IL1RL1: variants seen among roughly 807,000 people sequenced by gnomAD.
IL1RL1 encodes the protein interleukin-1 receptor-like 1.
A neutral mutation model predicts 50.9 loss-of-function variants in IL1RL1; 32 were observed. The observed-to-expected ratio is 0.63, with a 90% CI of 0.47 to 0.84. IL1RL1 has a LOEUF of 0.84. Ranked by LOEUF, IL1RL1 falls within the 40% of genes least tolerant of loss-of-function variation. IL1RL1 has a pLI of 0.00. For missense variants in IL1RL1, 773 were observed against 662.9 expected (o/e 1.17, Z -1.82); for synonymous variants, 275 against 236.0 (o/e 1.17, Z -1.51).
chr2:102,319,610 A>T (rs993746665), intron 1 of IL1RL1, among the ~76,000 whole-genome samples: 1 of 152,210 alleles, frequency 6.6e-6, no homozygotes, highest in Non-Finnish European at 1.5e-5. Context: ...GCCTATAGTG[A>T]TCCAGCAGGC....
intron 5 of IL1RL1, chr2:102,341,470 T>C (rs1389114304): frequency 2.2e-6 from 1 of 451,116 alleles, no homozygotes; most frequent in East Asian, 1.2e-4. Flanking sequence ...AGGATTGGGG[T>C]CTCCTTAGCA....
At position 102,340,702 on chromosome 2, in the gene IL1RL1, C is replaced by T. The variant is rs1677521145; in HGVS notation, c.484C>T (p.His162Tyr). The T allele has an allele frequency of 1.3e-6, 2 of 1,599,414 alleles. No individual in the cohort carries two copies. The highest frequency in any genetic ancestry group is 2.3e-5 in the South Asian group (2 of 88,434). ...QALQGSRYRA[H>Y]KSFLVIDNVM... ...TCTTCAAGGATCAAGGTACAGGGCG[C>T]ACAAGTCATTTTTGGTCATTGATAA... The change falls in exon 5 of 11, where the codon CAC becomes TAC. Residue 162 changes from histidine to tyrosine, a missense_variant. Coordinates refer to ENST00000233954, the MANE Select transcript of IL1RL1 (RefSeq NM_016232.5).
intron 1 of IL1RL1, among the ~76,000 whole-genome samples, chr2:102,332,371 T>C (rs1677200266): frequency 6.6e-6 from 1 of 152,190 alleles, no homozygotes; most frequent in Non-Finnish European, 1.5e-5. Flanking sequence ...ATAGCAGCAT[T>C]ATTCAAAATA....
rs1184191771 is a variant in IL1RL1, at chr2:102,351,592, C to T, written c.1342C>T (p.Leu448=). 6.2e-7 allele frequency: 1 copy of T among 1,613,992 alleles called. No homozygotes were observed. Among genetic ancestry groups the T allele is most frequent in the Non-Finnish European group, 8.5e-7 (1 of 1,179,984 alleles). ...AAAGAGCAGGCGGCACATTTTCATC[C>T]TGACCCCTCAGATCACTCACAATAA... ...IRKSRRHIFI[L]TPQITHNKEF... is the part of the protein sequence containing the mutation. Residue 448 remains leucine (L), a synonymous_variant, in exon 11 of 11, where the codon CTG becomes TTG. Transcript: ENST00000233954.
intron 1 of IL1RL1, among the ~76,000 whole-genome samples, chr2:102,334,594 A>G (rs1267893375): frequency 1.2e-4 from 11 of 93,858 alleles, no homozygotes; most frequent in African/African-American, 2.3e-4. Flanking sequence ...AAATGAGGGG[A>G]AAAAAAACAT....
intron 1 of IL1RL1, among the ~76,000 whole-genome samples, chr2:102,330,187 G>C (rs1464036718): frequency 6.6e-6 from 1 of 152,186 alleles, no homozygotes; most frequent in South Asian, 2.1e-4. Flanking sequence ...CATGTCCTTT[G>C]TAGGGACATG....
chr2:102,345,992 T>A lies in IL1RL1; in HGVS notation c.971-1953T>A. On this transcript the variant is annotated intron_variant, in intron 8 of 10. Coordinates refer to ENST00000233954, the MANE Select transcript of IL1RL1 (RefSeq NM_016232.5). ...TCTTCGTGTTACAGGTGTTTAATGA[T>A]TTTGCTCCTTCTAGCTTATTTGTAT... The A allele has an allele frequency of 4.1e-6, 4 of 985,252 alleles. No individual in the cohort carries two copies. In the South Asian group the frequency reaches 1.4e-4, roughly 35 times the overall value. 61.0% of individuals were successfully genotyped at this position (985,252 alleles called of 1,614,324 possible). A position where few individuals can be genotyped will look rare whatever the true frequency, so the allele number is the denominator to read the frequency against.
chr2:102,332,137 G>T (rs1382717274), intron 1 of IL1RL1, among the ~76,000 whole-genome samples: 2 of 152,146 alleles, frequency 1.3e-5, no homozygotes, highest in African/African-American at 4.8e-5. Flanking sequence ...CCAGGCACAT[G>T]AGCTATATCA....
At chr2:102,337,265 A>G (rs1677359406) in intron 1 of IL1RL1, 1 of 152,220 alleles carries the variant, frequency 6.6e-6, no homozygotes, top group South Asian at 2.1e-4. Context: ...ATGAGGAGGG[A>G]CCTACAAAGA....
At chr2:102,338,372 A>G in intron 2 of IL1RL1, 47 bp downstream of exon 2, 1 of 1,122,542 alleles carries the variant, frequency 8.9e-7, no homozygotes, top group Non-Finnish European at 1.3e-6. Flanking sequence ...TAAATTAAAT[A>G]ATTTCAAGAA....
chr2:102,343,595 G>C, intron 8 of IL1RL1, 180 bp downstream of exon 8: 1 of 1,475,500 alleles, frequency 6.8e-7, no homozygotes, highest in Non-Finnish European at 8.9e-7. Flanking sequence ...TGTTTGCTGG[G>C]AGCTTCTCTG....
At chr2:102,323,270 TATA>T (rs1290127700) in intron 1 of IL1RL1, among the ~76,000 whole-genome samples, 29 of 38,048 alleles carry the variant, frequency 7.6e-4, no homozygotes, top group African/African-American at 2.3e-3. Flanking sequence ...TATATATATA[TATA>T]GTGTGTGTGT....
downstream of IL1RL1, chr2:102,352,073 C>A: frequency 2.6e-6 from 2 of 776,912 alleles, no homozygotes; most frequent in Non-Finnish European, 4.0e-6. Flanking sequence ...CATTTCCCTG[C>A]TTCTGGGTGG....
intron 1 of IL1RL1, among the ~76,000 whole-genome samples, chr2:102,323,492 G>A (rs1444557001): frequency 6.6e-6 from 1 of 151,958 alleles, no homozygotes; most frequent in East Asian, 1.9e-4. Flanking sequence ...TCAAGACTGG[G>A]CAACTGCATC....
At chr2:102,324,010 G>GTTTT (rs1553661863) in intron 1 of IL1RL1, among the ~76,000 whole-genome samples, 11 of 97,628 alleles carry the variant, frequency 1.1e-4, no homozygotes, top group East Asian at 3.5e-4. Context: ...TTCATCAGTA[G>GTTTT]TTCTTTTTTT....
intron 10 of IL1RL1, 77 bp downstream of exon 10, chr2:102,349,323 A>C (rs1194043812): frequency 2.6e-6 from 3 of 1,159,868 alleles, no homozygotes; most frequent in Middle Eastern, 2.0e-4. Context: ...TTATCCCTGC[A>C]TTGGATAATG....
rs1462814648 is a variant in IL1RL1, at chr2:102,332,548, AGT to A, written c.-149-5567_-149-5566del. ...AAGATTATGCTAAGTGAAATAAGGC[AGT>A]CACAAAGGGCACTTATTGTGTGACT... is the stretch of plus-strand genomic sequence containing the variant. On this transcript the variant is annotated intron_variant, in intron 1 of 10. Coordinates refer to ENST00000233954, the MANE Select transcript of IL1RL1 (RefSeq NM_016232.5). 3.9e-5 allele frequency among the ~76,000 whole-genome samples: 6 copies of A among 152,242 alleles called. No homozygotes were observed. In the East Asian group the frequency reaches 1.2e-3, roughly 29 times the overall value.
At chr2:102,348,628 G>T (rs1677844380) in intron 9 of IL1RL1, among the ~76,000 whole-genome samples, 1 of 152,190 alleles carries the variant, frequency 6.6e-6, no homozygotes, top group Admixed American at 6.5e-5. Context: ...TTTTCAAACA[G>T]TTGACTGAAG....
In IL1RL1 at chr2:102,343,165, G is replaced by T. The variant is rs1222285912; in HGVS notation, c.812G>T (p.Gly271Val). 1 of 1,613,866 alleles carries T rather than the reference G, an allele frequency of 6.2e-7. No homozygotes were observed. The highest frequency in any genetic ancestry group is 8.5e-7 in the Non-Finnish European group (1 of 1,179,998). ...GAACCAAGAATTCAACAAGAGGAAG[G>T]GCAAAATCAAAGGTATTTTTATATT... ...FGEPRIQQEE[G>V]QNQSFSNGLA... The change falls in exon 7 of 11, where the codon GGG becomes GTG. Residue 271 changes from glycine (G) to valine (V), a missense_variant. Physicochemically the swap from Gly to Val is moderately radical, Grantham distance 109. Transcript: ENST00000233954.
Sources: gnomAD v4.1 joint callset for allele counts (sites outside exome capture counted in the v4.1 genomes callset) on GRCh38, gnomAD v4.1.1 for gene constraint, MANE v1.5 for transcripts, NCBI Gene and HGNC (gene_info 2026-07-23, HGNC 2026-07-21) for gene names.